Variants in ZC3H12B observed in about 807,000 individuals in gnomAD.
ZC3H12B encodes the protein zinc finger CCCH-type containing 12B, also known as probable ribonuclease ZC3H12B.
In ZC3H12B, 7 loss-of-function variants were observed where a neutral mutation model predicts 43.9. That is an observed-to-expected ratio of 0.16 (90% CI 0.09 to 0.30). The LOEUF (loss-of-function observed/expected upper bound fraction) is 0.30. Among genes scored for constraint, ZC3H12B ranks in the 10% least tolerant of loss-of-function variants. ZC3H12B has a pLI of 1.00. For synonymous variants in ZC3H12B, 222 were observed against 241.7 expected, an observed-to-expected ratio of 0.92 and a Z score of 0.76; for missense variants, 475 against 670.2, an observed-to-expected ratio of 0.71 and a Z score of 3.22.
At chrX:65,125,014 C>T in the ZC3H12B span, among the ~76,000 whole-genome samples, 2 of 109,512 alleles carry the variant, frequency 1.8e-5, no homozygotes, top group Non-Finnish European at 3.8e-5. Flanking sequence ...TATTTCTTTT[C>T]TTCTGCTGGC....
At chrX:65,371,704 A>T (rs2066247326) in intron 2 of ZC3H12B, among the ~76,000 whole-genome samples, 1 of 112,379 alleles carries the variant, frequency 8.9e-6, no homozygotes, top group South Asian at 3.7e-4. Flanking sequence ...ATGAAAGATT[A>T]AAGAAATAGT....
chrX:65,437,660 G>A (rs2067237528), intron 3 of ZC3H12B, among the ~76,000 whole-genome samples: 1 of 111,809 alleles, frequency 8.9e-6, no homozygotes, highest in African/African-American at 3.2e-5. Context: ...CTTGTCAGAT[G>A]AAGTTTTCAA....
chrX:65,212,010 A>G, the ZC3H12B span, among the ~76,000 whole-genome samples: 3 of 66,658 alleles, frequency 4.5e-5, no homozygotes, highest in African/African-American at 1.3e-4. Flanking sequence ...TGTATACTAT[A>G]TAATATATAA....
At chrX:65,163,576 T>G in the ZC3H12B span, among the ~76,000 whole-genome samples, 1 of 111,757 alleles carries the variant, frequency 8.9e-6, no homozygotes, top group African/African-American at 3.3e-5. Context: ...CTCTGAGCTA[T>G]GTGCGGGATA....
chrX:65,153,480 T>A, the ZC3H12B span, among the ~76,000 whole-genome samples: 1 of 111,956 alleles, frequency 8.9e-6, no homozygotes. Context: ...CATGAAAAAA[T>A]GCTCACCATC....
the ZC3H12B span, among the ~76,000 whole-genome samples, chrX:65,118,500 A>T: frequency 9.0e-6 from 1 of 111,266 alleles, no homozygotes; most frequent in Non-Finnish European, 1.9e-5. Flanking sequence ...TAGAAATGTC[A>T]TCTGCAAACA....
intron 3 of ZC3H12B, among the ~76,000 whole-genome samples, chrX:65,405,339 G>T (rs1422401535): frequency 8.9e-6 from 1 of 112,750 alleles, no homozygotes; most frequent in African/African-American, 3.2e-5. Context: ...GAACTAATAG[G>T]CTGGGTGTGG....
chrX:65,357,451 C>T, the ZC3H12B span: 5 of 137,527 alleles, frequency 3.6e-5, no homozygotes, highest in Non-Finnish European at 7.0e-5. Flanking sequence ...GAGTCCAGCA[C>T]TGGCAGCTCG....
chrX:65,121,315 C>T, the ZC3H12B span, among the ~76,000 whole-genome samples: 1 of 111,299 alleles, frequency 9.0e-6, no homozygotes, highest in East Asian at 2.8e-4. Flanking sequence ...TTAATTATTG[C>T]CTCAATTTCA....
At chrX:65,379,324 G>A (rs1341676374) in intron 2 of ZC3H12B, among the ~76,000 whole-genome samples, 1 of 111,558 alleles carries the variant, frequency 9.0e-6, no homozygotes, top group African/African-American at 3.3e-5. Flanking sequence ...GCCTAACTGG[G>A]AGACACCCCC....
At chrX:65,446,039 C>A (rs777299026) in intron 3 of ZC3H12B, among the ~76,000 whole-genome samples, 1 of 111,112 alleles carries the variant, frequency 9.0e-6, no homozygotes, top group Non-Finnish European at 1.9e-5. Flanking sequence ...TTATTCAAGG[C>A]CCAAAGGCTC....
the ZC3H12B span, among the ~76,000 whole-genome samples, chrX:65,131,788 G>A: frequency 9.0e-6 from 1 of 111,438 alleles, no homozygotes; most frequent in Admixed American, 9.5e-5. Context: ...ATTATGTGAA[G>A]GTAGGTAACG....
At chrX:65,135,413 T>C in the ZC3H12B span, among the ~76,000 whole-genome samples, 46 of 110,593 alleles carry the variant, frequency 4.2e-4, no homozygotes, top group East Asian at 0.012. Context: ...GTTTAGAGAC[T>C]TCCTTCATTC....
the ZC3H12B span, among the ~76,000 whole-genome samples, chrX:65,302,025 A>G: frequency 9.0e-6 from 1 of 111,101 alleles, no homozygotes; most frequent in African/African-American, 3.3e-5. Flanking sequence ...AACTTCCTCA[A>G]CTTGCTTTCT....
chrX:65,329,118 C>G, the ZC3H12B span, among the ~76,000 whole-genome samples: 2 of 111,307 alleles, frequency 1.8e-5, no homozygotes, highest in Non-Finnish European at 3.8e-5. Flanking sequence ...CCTGAGGAAT[C>G]GCCACACTGT....
chrX:65,300,349 C>T, the ZC3H12B span, among the ~76,000 whole-genome samples: 2 of 111,829 alleles, frequency 1.8e-5, no homozygotes, highest in African/African-American at 3.3e-5. Context: ...GTAAGACTTG[C>T]CTTTTGTGCT....
At chrX:65,261,790 C>G in the ZC3H12B span, among the ~76,000 whole-genome samples, 1 of 110,355 alleles carries the variant, frequency 9.1e-6, no homozygotes, top group African/African-American at 3.3e-5. Context: ...ATGTAATACC[C>G]AGATATTATA....
chrX:65,432,564 GC>G (rs1174135304), intron 3 of ZC3H12B, among the ~76,000 whole-genome samples: 1 of 111,502 alleles, frequency 9.0e-6, no homozygotes, highest in Non-Finnish European at 1.9e-5. Flanking sequence ...CCTGTTCTGG[GC>G]CCCACTCAGA....
intron 3 of ZC3H12B, among the ~76,000 whole-genome samples, chrX:65,450,579 ATGTATATGTATACATATG>A: frequency 7.7e-4 from 1 of 1,304 alleles, no homozygotes; most frequent in East Asian, 0.029. Context: ...ATGTGTATAT[ATGTATATGTATACATATG>A]TGTATATATG....
Sources: allele counts gnomAD v4.1 joint callset (sites outside exome capture counted in the v4.1 genomes callset), GRCh38; gene constraint gnomAD v4.1.1; transcripts MANE v1.5; gene names NCBI Gene and HGNC (gene_info 2026-07-23, HGNC 2026-07-21).